The following CDH4 variants were observed in gnomAD, a reference collection of about 807,000 sequenced individuals.
CDH4 encodes cadherin 4, also known as cadherin-4.
CDH4 carries 33 observed loss-of-function variants against 86.0 expected under a neutral mutation model. The ratio of observed to expected loss-of-function variants is 0.38; its 90% CI spans 0.29 to 0.51. The LOEUF is 0.51. CDH4 is among the 20% of genes least tolerant of loss of function. The pLI is 0.86. For synonymous variants in CDH4, 555 were observed against 549.4 expected (o/e 1.01, Z -0.14); for missense variants, 1,114 against 1,307.4 (o/e 0.85, Z 2.28).
intron 2 of CDH4, among the ~76,000 whole-genome samples, chr20:61,350,467 C>T (rs1370458469): frequency 4.5e-4 from 15 of 33,176 alleles, no homozygotes; most frequent in Admixed American, 9.2e-4. Flanking sequence ...CTGACCTTGC[C>T]TCTCCCACCC....
chr20:61,317,246 C>T (rs953795404), intron 2 of CDH4, among the ~76,000 whole-genome samples: 5 of 152,006 alleles, frequency 3.3e-5, no homozygotes, highest in Admixed American at 1.3e-4. Context: ...GCTGTGGTGG[C>T]GAGCGCCCGC....
intron 2 of CDH4, among the ~76,000 whole-genome samples, chr20:61,293,000 C>T (rs1034714586): frequency 3.9e-5 from 6 of 152,176 alleles, no homozygotes; most frequent in African/African-American, 1.4e-4. Flanking sequence ...CTGCGGCGAC[C>T]TGCCTAGGGG....
intron 2 of CDH4, among the ~76,000 whole-genome samples, chr20:61,570,997 G>A (rs1459332302): frequency 6.6e-6 from 1 of 152,200 alleles, no homozygotes; most frequent in Non-Finnish European, 1.5e-5. Flanking sequence ...CCGCCTGTGT[G>A]TGGGGATGCA....
At chr20:61,608,423 A>G (rs184244220) in intron 2 of CDH4, among the ~76,000 whole-genome samples, 13 of 152,344 alleles carry the variant, frequency 8.5e-5, no homozygotes, top group Admixed American at 7.8e-4. Context: ...TGGAACTGCT[A>G]CGACCCCAGC....
intron 2 of CDH4, among the ~76,000 whole-genome samples, chr20:61,302,668 G>C (rs890666773): frequency 6.6e-6 from 1 of 152,206 alleles, no homozygotes; most frequent in Non-Finnish European, 1.5e-5. Flanking sequence ...ATTTGGGTCT[G>C]TGTGAGACAC....
chr20:61,386,595 G>A (rs556554741), intron 2 of CDH4, among the ~76,000 whole-genome samples: 45 of 152,332 alleles, frequency 3.0e-4, no homozygotes, highest in South Asian at 2.1e-3. Context: ...TAGAGAGGCT[G>A]GGTTACCTGG....
intron 2 of CDH4, among the ~76,000 whole-genome samples, chr20:61,264,920 C>T (rs1169656248): frequency 1.4e-5 from 2 of 139,090 alleles, no homozygotes; most frequent in South Asian, 2.5e-4. Flanking sequence ...CCTACACATA[C>T]CTCAGTGGCT....
At chr20:61,690,139 G>T (rs1459158275) in intron 2 of CDH4, among the ~76,000 whole-genome samples, 1 of 149,508 alleles carries the variant, frequency 6.7e-6, no homozygotes, top group African/African-American at 2.5e-5. Flanking sequence ...GGGGACACTG[G>T]TTGGTGAGGT....
chr20:61,280,109 TCTGCGTCTGCCAGC>T (rs1215962501), intron 2 of CDH4, among the ~76,000 whole-genome samples: 1 of 152,060 alleles, frequency 6.6e-6, no homozygotes, highest in African/African-American at 2.4e-5. Context: ...GGGCTGTGAG[TCTGCGTCTGCCAGC>T]CTTGATTGGG....
At chr20:61,779,874 C>T (rs56356384) in intron 4 of CDH4, among the ~76,000 whole-genome samples, 3,884 of 152,284 alleles carry the variant, frequency 0.026, 158 homozygotes, top group African/African-American at 0.088. Flanking sequence ...GCACGTGTGG[C>T]GGGGCCAGCT....
chr20:61,659,049 A>G (rs1351459485), intron 2 of CDH4, among the ~76,000 whole-genome samples: 1 of 152,170 alleles, frequency 6.6e-6, no homozygotes, highest in African/African-American at 2.4e-5. Flanking sequence ...TCATACTCCA[A>G]TAGTAGCTCC....
chr20:61,326,021 A>G (rs2084535315), intron 2 of CDH4, among the ~76,000 whole-genome samples: 1 of 152,176 alleles, frequency 6.6e-6, no homozygotes, highest in African/African-American at 2.4e-5. Context: ...CTGTCCTAAT[A>G]TACCCGTGAT....
chr20:61,740,331 G>C (rs193141043), intron 2 of CDH4: 2 of 152,308 alleles, frequency 1.3e-5, no homozygotes, highest in East Asian at 3.9e-4. Flanking sequence ...CTCACTTGCC[G>C]TTTCTATAGC....
At chr20:61,511,205 G>C (rs1032057321) in intron 2 of CDH4, among the ~76,000 whole-genome samples, 3 of 152,238 alleles carry the variant, frequency 2.0e-5, no homozygotes, top group African/African-American at 7.2e-5. Flanking sequence ...TATCCATGGA[G>C]TAGCAGGCCT....
At chr20:61,639,741 G>A (rs374721854) in intron 2 of CDH4, among the ~76,000 whole-genome samples, 1 of 151,828 alleles carries the variant, frequency 6.6e-6, no homozygotes, top group Non-Finnish European at 1.5e-5. Flanking sequence ...CAGAAGGCTC[G>A]AGCTTTGTGG....
At position 61,442,318 on chromosome 20, in the gene CDH4, G is replaced by A. The variant is rs140680788; in HGVS notation, c.169+187381G>A. 1.4e-4 allele frequency among the ~76,000 whole-genome samples: 22 copies of A among 152,322 alleles called. No homozygotes were observed. In the East Asian group the frequency reaches 4.1e-3, roughly 28 times the overall value. ...GGATGGAACCATGCCTCCCTGACGT[G>A]CAGACCCTCCGAATACTCCACTTGC... On this transcript the variant is annotated intron_variant, in intron 2 of 15. Coordinates refer to ENST00000614565, the MANE Select transcript of CDH4 (RefSeq NM_001794.5).
Position 61,444,152 on chromosome 20 carries a change from G to A in CDH4, c.169+189215G>A, listed in dbSNP as rs548852271. ...TGTCTCTGTATGTCTGTGTGTGTATGTCTGTATCTATGTGTGTGTGTCTTT... is the reference window on the plus strand; with the variant it reads ...TGTCTCTGTATGTCTGTGTGTGTATATCTGTATCTATGTGTGTGTGTCTTT... On this transcript the variant is annotated intron_variant, in intron 2 of 15. Coordinates refer to ENST00000614565, the MANE Select transcript of CDH4 (RefSeq NM_001794.5). 2.7e-3 allele frequency among the ~76,000 whole-genome samples: 413 copies of A among 151,682 alleles called. 3 individuals are homozygous for A. The highest frequency in any genetic ancestry group is 4.0e-3 in the Non-Finnish European group (272 of 67,848).
intron 2 of CDH4, among the ~76,000 whole-genome samples, chr20:61,361,715 T>G (rs1404216194): frequency 6.6e-6 from 1 of 151,926 alleles, no homozygotes; most frequent in Admixed American, 6.6e-5. Flanking sequence ...GGAGCCCGAG[T>G]CAGGAAAGCG....
chr20:61,388,456 T>C (rs756745103), intron 2 of CDH4, among the ~76,000 whole-genome samples: 14 of 152,156 alleles, frequency 9.2e-5, no homozygotes, highest in Non-Finnish European at 1.9e-4. Flanking sequence ...ATGTCATACT[T>C]GGAAGCCTGA....
Sources: gnomAD v4.1 joint callset for allele counts (sites outside exome capture counted in the v4.1 genomes callset) on GRCh38, gnomAD v4.1.1 for gene constraint, MANE v1.5 for transcripts, NCBI Gene and HGNC (gene_info 2026-07-23, HGNC 2026-07-21) for gene names.